RFX4: variants seen among roughly 807,000 people sequenced by gnomAD.
RFX4 encodes transcription factor RFX4.
RFX4 carries 10 observed loss-of-function variants against 95.0 expected under a neutral mutation model. The ratio of observed to expected loss-of-function variants is 0.11; its 90% CI spans 0.06 to 0.18. The LOEUF (loss-of-function observed/expected upper bound fraction) is 0.18. Ranked by LOEUF, RFX4 falls within the 10% of genes least tolerant of loss-of-function variation. The pLI, the probability that RFX4 is intolerant of heterozygous loss-of-function variation, is 1.00. For synonymous variants in RFX4, 321 were observed against 340.7 expected (o/e 0.94, Z 0.64); for missense variants, 640 against 922.0 (o/e 0.69, Z 3.96).
intron 4 of RFX4, among the ~76,000 whole-genome samples, chr12:106,663,440 G>T (rs1202289580): frequency 6.6e-6 from 1 of 151,936 alleles, no homozygotes. Flanking sequence ...AGTTCCAGGA[G>T]ATTTTTTTTT....
At chr12:106,643,769 T>G (rs1347569071) in intron 3 of RFX4, among the ~76,000 whole-genome samples, 1 of 152,228 alleles carries the variant, frequency 6.6e-6, no homozygotes, top group Non-Finnish European at 1.5e-5. Context: ...ATATTTTTGC[T>G]TTACTTTTAT....
chr12:106,606,185 G>A (rs984517028), intron 1 of RFX4, among the ~76,000 whole-genome samples: 3 of 152,274 alleles, frequency 2.0e-5, no homozygotes, highest in South Asian at 4.1e-4. Context: ...ATGTTATCAG[G>A]CCTGAATCCA....
intron 9 of RFX4, among the ~76,000 whole-genome samples, chr12:106,709,762 T>C: frequency 6.6e-6 from 1 of 152,144 alleles, no homozygotes; most frequent in East Asian, 1.9e-4. Context: ...ATGCTGCCTC[T>C]GCGATGTAGA....
At chr12:106,699,012 T>G (rs1454022881) in intron 8 of RFX4, among the ~76,000 whole-genome samples, 1 of 152,098 alleles carries the variant, frequency 6.6e-6, no homozygotes, top group Admixed American at 6.5e-5. Flanking sequence ...TCATTGATTA[T>G]AAATCTTTCT....
At chr12:106,610,237 CAAAAA>C (rs398044781) in intron 2 of RFX4, among the ~76,000 whole-genome samples, 3 of 77,492 alleles carry the variant, frequency 3.9e-5, no homozygotes, top group Non-Finnish European at 5.4e-5. Context: ...GACTCCATCT[CAAAAA>C]AAAAAAAAAA....
intron 13 of RFX4, among the ~76,000 whole-genome samples, chr12:106,721,895 T>C (rs1194632399): frequency 1.3e-5 from 2 of 152,336 alleles, no homozygotes; most frequent in East Asian, 1.9e-4. Flanking sequence ...ACGAAGTAAA[T>C]ATGTGGGAAA....
At chr12:106,753,839 C>G (rs2043059028) in intron 17 of RFX4, among the ~76,000 whole-genome samples, 1 of 152,222 alleles carries the variant, frequency 6.6e-6, no homozygotes, top group South Asian at 2.1e-4. Flanking sequence ...CACGCTCACT[C>G]TATTCTGCAG....
At chr12:106,587,202 T>C (rs1368003141) in intron 1 of RFX4, among the ~76,000 whole-genome samples, 7 of 152,172 alleles carry the variant, frequency 4.6e-5, no homozygotes, top group Admixed American at 4.6e-4. Flanking sequence ...ACAGCGCGCT[T>C]TCCTACCCGG....
At chr12:106,602,015 AAT>A (rs1206988157) in intron 1 of RFX4, among the ~76,000 whole-genome samples, 3 of 152,084 alleles carry the variant, frequency 2.0e-5, no homozygotes, top group African/African-American at 7.2e-5. Flanking sequence ...ATCTTATTAT[AAT>A]ACCAAACACT....
intron 4 of RFX4, among the ~76,000 whole-genome samples, chr12:106,679,457 A>G (rs73188530): frequency 0.011 from 1,433 of 127,356 alleles, 11 homozygotes; most frequent in Non-Finnish European, 0.019. Flanking sequence ...TCTGTCTCAG[A>G]AAAAAACAAA....
intron 2 of RFX4, among the ~76,000 whole-genome samples, chr12:106,630,273 A>C (rs937137346): frequency 4.6e-5 from 7 of 152,066 alleles, no homozygotes; most frequent in Admixed American, 1.3e-4. Flanking sequence ...TGGATTTTTT[A>C]TATAGTAAAA....
chr12:106,648,485 AG>A (rs2040793274), intron 3 of RFX4, among the ~76,000 whole-genome samples: 1 of 150,828 alleles, frequency 6.6e-6, no homozygotes, highest in South Asian at 2.1e-4. Flanking sequence ...TTGCTTAGCA[AG>A]GGTTTTTTTT....
chr12:106,669,839 GGT>G (rs60975691), intron 4 of RFX4, among the ~76,000 whole-genome samples: 34,998 of 142,528 alleles, frequency 0.25, 4,441 homozygotes, highest in East Asian at 0.32. Flanking sequence ...TTTTTCTAGG[GGT>G]GTGTGTGTGT....
intron 2 of RFX4, among the ~76,000 whole-genome samples, chr12:106,609,452 A>T (rs1415600733): frequency 6.6e-6 from 1 of 152,184 alleles, no homozygotes; most frequent in Non-Finnish European, 1.5e-5. Flanking sequence ...TTTTTCCCTT[A>T]AACACTAAAA....
rs58283896 is a variant in RFX4, at chr12:106,714,068, CAAAAAAAAA to C, written c.994-1317_994-1309del. Among the ~76,000 whole-genome samples, 32 of 30,526 alleles carry C rather than the reference CAAAAAAAAA, an allele frequency of 1.0e-3. 1 individual carries two copies. The highest frequency in any genetic ancestry group is 1.7e-3 in the Non-Finnish European group (29 of 17,050). The allele number at this position is 30,526 out of a possible 152,430, so 20.0% of individuals were successfully genotyped here. On this transcript the variant is annotated intron_variant, in intron 10 of 17. Coordinates refer to ENST00000392842, the MANE Select transcript of RFX4 (RefSeq NM_213594.3). ...GGGCAACAAGAGTGAAACTCCATCT[CAAAAAAAAA>C]AAAAAAAAAAAAAAGCATGTTCTAA...
chr12:106,607,479 TAACAC>T (rs1215469813), intron 1 of RFX4, among the ~76,000 whole-genome samples: 1 of 133,824 alleles, frequency 7.5e-6, no homozygotes, highest in Non-Finnish European at 1.5e-5. Flanking sequence ...GTGTGACTCA[TAACAC>T]AACGTGGACC....
chr12:106,717,671 G>A (rs2042320177), intron 11 of RFX4, among the ~76,000 whole-genome samples: 1 of 152,190 alleles, frequency 6.6e-6, no homozygotes, highest in Admixed American at 6.5e-5. Context: ...TTCCCAACAT[G>A]GAGCTTACAG....
chr12:106,650,535 C>G (rs1242625604), intron 3 of RFX4, among the ~76,000 whole-genome samples: 5 of 152,134 alleles, frequency 3.3e-5, no homozygotes, highest in Admixed American at 3.3e-4. Context: ...GAGTTCGAGA[C>G]CAGCCTGGCC....
At chr12:106,730,017 A>G (rs896097725) in intron 13 of RFX4, among the ~76,000 whole-genome samples, 5 of 152,136 alleles carry the variant, frequency 3.3e-5, no homozygotes, top group African/African-American at 1.2e-4. Context: ...TGGAAGAAGG[A>G]TGTGAAGGAG....
Sources: gnomAD v4.1 joint callset for allele counts (sites outside exome capture counted in the v4.1 genomes callset) on GRCh38, gnomAD v4.1.1 for gene constraint, MANE v1.5 for transcripts, NCBI Gene and HGNC (gene_info 2026-07-23, HGNC 2026-07-21) for gene names.